FBN2: variants seen among roughly 807,000 people sequenced by gnomAD.
FBN2 encodes the protein fibrillin 2.
A neutral mutation model predicts 355.6 loss-of-function variants in FBN2; 105 were observed. The observed-to-expected ratio is 0.30, with a 90% confidence interval of 0.25 to 0.35. The LOEUF (loss-of-function observed/expected upper bound fraction) is 0.35, where lower values mean the gene tolerates loss of function less well. Among genes scored for constraint, FBN2 ranks in the 10% least tolerant of loss-of-function variants. The pLI, the probability that FBN2 is intolerant of heterozygous loss-of-function variation, is 1.00. For missense variants in FBN2, 3,280 were observed against 3,758.7 expected, an observed-to-expected ratio of 0.87 and a Z score of 3.33; for synonymous variants, 1,350 against 1,301.2, an observed-to-expected ratio of 1.04 and a Z score of -0.81.
intron 48 of FBN2, among the ~76,000 whole-genome samples, chr5:128,295,565 T>A (rs1749481792): frequency 7.1e-6 from 1 of 140,776 alleles, no homozygotes; most frequent in Non-Finnish European, 1.5e-5. Context: ...CCTTGTAAGT[T>A]GGATTCCTAG....
chr5:128,537,571 G>T lies in FBN2; in HGVS notation c.33C>A (p.Leu11=). 6.2e-7 allele frequency: 1 copy of T among 1,606,200 alleles called. No individual in the cohort carries two copies. Among genetic ancestry groups the T allele is most frequent in the East Asian group, 2.2e-5 (1 of 44,524 alleles). MGRRRRLCLQ[L]YFLWLGCVVL... The stretch of plus-strand genomic sequence containing the variant: ...CCACACAGCCCAGCCACAGGAAGTA[G>T]AGCTGGAGACACAGCCTCCGTCTTC... Residue 11 remains leucine, a synonymous_variant, in exon 1 of 65, where the codon CTC becomes CTA. Transcript: ENST00000262464.
Position 128,305,093 on chromosome 5 carries a change from A to AC in FBN2, c.5675-12_5675-11insG, listed in dbSNP as rs150372632. The AC allele has an allele frequency of 2.2e-4, 349 of 1,584,832 alleles. No homozygotes were observed. The African/African-American group carries it at 3.9e-3, about 18-fold the overall frequency. ...AACATTCATTGCGATCTAAAACAGA[A>AC]AAAAATAAATGTTACATGTATCTGA... On this transcript the variant is annotated splice_polypyrimidine_tract_variant and intron_variant, in intron 44 of 64. Transcript: ENST00000262464.
At chr5:128,446,974 G>A (rs989643235) in intron 6 of FBN2, among the ~76,000 whole-genome samples, 8 of 152,068 alleles carry the variant, frequency 5.3e-5, no homozygotes, top group Non-Finnish European at 8.8e-5. Flanking sequence ...CATTTCTTAC[G>A]CCTGTCTTTA....
chr5:128,296,254 G>T (rs2126827559), intron 48 of FBN2, among the ~76,000 whole-genome samples: 1 of 151,294 alleles, frequency 6.6e-6, no homozygotes, highest in East Asian at 1.9e-4. Context: ...TTTTATTGAG[G>T]ATTTTTGCAT....
At position 128,261,796 on chromosome 5, in the gene FBN2, G is replaced by A. The variant is rs28763920; in HGVS notation, c.8304C>T (p.Asn2768=). 1.7e-3 allele frequency: 2,679 copies of A among 1,614,132 alleles called. 3 individuals are homozygous for A. Among genetic ancestry groups the A allele is most frequent in the Non-Finnish European group, 2.1e-3 (2,429 of 1,179,974 alleles). ...GCCTGCTGTCTTTCTTAGAATAGCCGTTGATTTTGCACTCGTAGCATGCTT... is the reference window on the plus strand; with the variant it reads ...GCCTGCTGTCTTTCTTAGAATAGCCATTGATTTTGCACTCGTAGCATGCTT... The part of the protein sequence containing the change: ...SPEACYECKI[N]GYSKKDSRQK... Residue 2768 remains asparagine (N), a synonymous_variant, in exon 64 of 65, where the codon AAC becomes AAT. Transcript: ENST00000262464.
At chr5:128,387,011 G>A (rs374935692) in intron 11 of FBN2, among the ~76,000 whole-genome samples, 2 of 152,084 alleles carry the variant, frequency 1.3e-5, no homozygotes, top group South Asian at 4.1e-4. Context: ...GTTTCAATAG[G>A]AATGAAACCA....
chr5:128,409,311 G>T (rs1403908460), intron 7 of FBN2, among the ~76,000 whole-genome samples: 7 of 152,040 alleles, frequency 4.6e-5, no homozygotes, highest in African/African-American at 1.7e-4. Flanking sequence ...TGACATTCTG[G>T]GAACAACTTC....
At chr5:128,381,977 T>C (rs1212559533) in intron 11 of FBN2, among the ~76,000 whole-genome samples, 1 of 152,062 alleles carries the variant, frequency 6.6e-6, no homozygotes, top group Non-Finnish European at 1.5e-5. Context: ...ATAATCATAG[T>C]GGACCTAAGA....
intron 11 of FBN2, among the ~76,000 whole-genome samples, chr5:128,381,823 T>TA (rs1437648707): frequency 3.1e-4 from 47 of 152,210 alleles, no homozygotes; most frequent in African/African-American, 1.1e-3. Flanking sequence ...ACCACTTATA[T>TA]AGACTCTTTG....
chr5:128,386,627 A>C (rs1045351423), intron 11 of FBN2, among the ~76,000 whole-genome samples: 1 of 152,110 alleles, frequency 6.6e-6, no homozygotes, highest in African/African-American at 2.4e-5. Context: ...GGTCATTTTA[A>C]TAATGTCGAT....
rs774984154 is a variant in FBN2 at position 128,392,009 on chromosome 5, C to T, written c.1603+9G>A. 1.9e-6 allele frequency: 3 copies of T among 1,612,912 alleles called. No individual in the cohort carries two copies. Among genetic ancestry groups the T allele is most frequent in the South Asian group, 1.1e-5 (1 of 91,064 alleles). On this transcript the variant is annotated intron_variant, in intron 11 of 64. Transcript: ENST00000262464. Reference sequence around the variant, plus strand: ...ACTAAGAAGGATTATTAAAGAATCACAAACTTACCTATACAATCTCCATTT... The same window carrying T: ...ACTAAGAAGGATTATTAAAGAATCATAAACTTACCTATACAATCTCCATTT...
chr5:128,259,799 T>G lies in FBN2; in HGVS notation c.8395A>C (p.Met2799Leu). ...AACTTCATGTTGACGGGGCTGTCCA[T>G]GTCGACACTCTCTAGGCTGATCTGT... ...VEQISLESVD[M>L]DSPVNMKFNL... is the part of the protein sequence containing the mutation. The change falls in exon 65 of 65, where the codon ATG (methionine) becomes CTG (leucine). Residue 2799 changes from methionine to leucine, a missense_variant. By Grantham distance (15) the Met-to-Leu change is conservative. This residue lies in a region of FBN2 where 311 missense variants were observed against 319.1 expected (regional missense o/e 0.97). Transcript: ENST00000262464. 2.5e-6 allele frequency: 4 copies of G among 1,613,722 alleles called. No individual in the cohort carries two copies. The highest frequency in any genetic ancestry group is 3.4e-6 in the Non-Finnish European group (4 of 1,179,922).
At chr5:128,314,619 T>C (rs539826210) in intron 36 of FBN2, among the ~76,000 whole-genome samples, 2 of 152,274 alleles carry the variant, frequency 1.3e-5, no homozygotes, top group African/African-American at 4.8e-5. Flanking sequence ...CCCAGCCTAA[T>C]TAGGTTTATT....
intron 31 of FBN2, 41 bp from the exon 32 acceptor site, chr5:128,333,075 A>G (rs753276276): frequency 1.3e-6 from 2 of 1,544,340 alleles, no homozygotes; most frequent in Non-Finnish European, 9.0e-7. Flanking sequence ...CAAAATACAA[A>G]CTAATTAATT....
chr5:128,379,368 C>T (rs1027934133), intron 11 of FBN2, among the ~76,000 whole-genome samples: 17 of 151,732 alleles, frequency 1.1e-4, no homozygotes, highest in African/African-American at 3.6e-4. Context: ...TTTGGTATAA[C>T]TTTTTTTTGG....
chr5:128,356,083 G>A (rs1292068597), intron 20 of FBN2, among the ~76,000 whole-genome samples: 1 of 152,100 alleles, frequency 6.6e-6, no homozygotes, highest in African/African-American at 2.4e-5. Flanking sequence ...ATTGGAAATT[G>A]TGGCTTAGCA....
chr5:128,312,999 A>G (rs1750101165), intron 36 of FBN2, among the ~76,000 whole-genome samples: 1 of 152,196 alleles, frequency 6.6e-6, no homozygotes, highest in African/African-American at 2.4e-5. Flanking sequence ...AGACTTTCCT[A>G]TATTTAGAAA....
At chr5:128,451,801 A>G (rs1754255761) in intron 6 of FBN2, among the ~76,000 whole-genome samples, 1 of 152,222 alleles carries the variant, frequency 6.6e-6, no homozygotes. Context: ...CAGAGAAAAA[A>G]TATGGTAAAA....
At chr5:128,458,016 G>A (rs2127074561) in intron 6 of FBN2, among the ~76,000 whole-genome samples, 1 of 152,166 alleles carries the variant, frequency 6.6e-6, no homozygotes, top group East Asian at 1.9e-4. Context: ...ACACTTATTG[G>A]CAAACTGGAT....
Sources: gnomAD v4.1 joint callset for allele counts (sites outside exome capture counted in the v4.1 genomes callset) on GRCh38, gnomAD v4.1.1 for gene constraint, gnomAD v4.1.1 regional missense constraint, MANE v1.5 for transcripts, NCBI Gene and HGNC (gene_info 2026-07-23, HGNC 2026-07-21) for gene names.